NRXN1: variants seen among roughly 807,000 people sequenced by gnomAD.
The protein encoded by NRXN1 is neurexin-1.
A neutral mutation model predicts 150.9 loss-of-function variants in NRXN1; 39 were observed. The observed-to-expected ratio is 0.26, with a 90% CI of 0.20 to 0.34. The LOEUF is 0.34. NRXN1 is among the 10% of genes least tolerant of loss of function. NRXN1 has a pLI of 1.00. For missense variants in NRXN1, 1,815 were observed against 1,949.9 expected (o/e 0.93, Z 1.30); for synonymous variants, 924 against 757.0 (o/e 1.22, Z -3.62).
chr2:50,947,354 A>G (rs1335633977), intron 2 of NRXN1, among the ~76,000 whole-genome samples: 1 of 152,004 alleles, frequency 6.6e-6, no homozygotes, highest in Non-Finnish European at 1.5e-5. Context: ...GTTCAAATAT[A>G]CAAATACTAT....
intron 11 of NRXN1, 50 bp from the exon 12 acceptor site, chr2:50,528,701 T>G: frequency 1.7e-6 from 2 of 1,195,252 alleles, no homozygotes; most frequent in Non-Finnish European, 2.4e-6. Context: ...TTCAAGGTAA[T>G]AGCTGCAGAC....
intron 2 of NRXN1, among the ~76,000 whole-genome samples, chr2:50,957,901 A>G (rs1315899628): frequency 6.6e-6 from 1 of 152,158 alleles, no homozygotes; most frequent in African/African-American, 2.4e-5. Flanking sequence ...TCCACTGAGA[A>G]CAGTGGAGAA....
chr2:50,067,896 C>T (rs1356689040), intron 19 of NRXN1, among the ~76,000 whole-genome samples: 2 of 152,092 alleles, frequency 1.3e-5, no homozygotes, highest in African/African-American at 4.8e-5. Flanking sequence ...TTTCCCAGTT[C>T]TTGTTTTTTG....
At chr2:50,684,444 G>A (rs1690926884) in intron 5 of NRXN1, among the ~76,000 whole-genome samples, 1 of 152,002 alleles carries the variant, frequency 6.6e-6, no homozygotes, top group African/African-American at 2.4e-5. Context: ...CAAAACTGCA[G>A]TAAGCTGTGA....
At chr2:50,451,230 A>C (rs1171438713) in intron 17 of NRXN1, among the ~76,000 whole-genome samples, 1 of 152,150 alleles carries the variant, frequency 6.6e-6, no homozygotes, top group East Asian at 1.9e-4. Context: ...TGGCCTCCTA[A>C]AGTGCTGGTA....
intron 2 of NRXN1, among the ~76,000 whole-genome samples, chr2:51,002,166 G>T (rs1700155548): frequency 6.6e-6 from 1 of 151,942 alleles, no homozygotes; most frequent in South Asian, 2.1e-4. Flanking sequence ...AAACGTATAT[G>T]AAATACCTTG....
chr2:49,961,881 C>A (rs904373370), intron 21 of NRXN1, among the ~76,000 whole-genome samples: 4 of 152,126 alleles, frequency 2.6e-5, no homozygotes, highest in Admixed American at 2.6e-4. Flanking sequence ...CACAACCTCA[C>A]CCTAATCATT....
chr2:50,060,818 A>C (rs995726464), intron 19 of NRXN1, among the ~76,000 whole-genome samples: 2 of 152,190 alleles, frequency 1.3e-5, no homozygotes, highest in African/African-American at 4.8e-5. Context: ...TCTGACATGA[A>C]TGTGAGGCCT....
intron 8 of NRXN1, among the ~76,000 whole-genome samples, chr2:50,587,161 C>T (rs1001607365): frequency 1.3e-5 from 2 of 152,292 alleles, no homozygotes; most frequent in African/African-American, 2.4e-5. Context: ...CAGTGAGCCT[C>T]GATTTCCTCA....
At chr2:50,519,098 G>T (rs1054477814) in intron 12 of NRXN1, among the ~76,000 whole-genome samples, 1 of 151,762 alleles carries the variant, frequency 6.6e-6, no homozygotes, top group Non-Finnish European at 1.5e-5. Context: ...CTCGTGTCTT[G>T]CTTTCTTTTT....
chr2:50,596,530 G>C (rs1482239462), intron 8 of NRXN1, among the ~76,000 whole-genome samples: 6 of 152,210 alleles, frequency 3.9e-5, no homozygotes, highest in African/African-American at 1.4e-4. Context: ...GTTTGGAATA[G>C]AAATGTCTAA....
intron 18 of NRXN1, among the ~76,000 whole-genome samples, chr2:50,143,316 G>A (rs944842762): frequency 7.9e-5 from 12 of 151,874 alleles, no homozygotes; most frequent in Admixed American, 5.9e-4. Context: ...GGTACAGCTC[G>A]AAAACTAATG....
chr2:50,417,408 G>GC (rs2083623464), intron 17 of NRXN1, among the ~76,000 whole-genome samples: 1 of 152,056 alleles, frequency 6.6e-6, no homozygotes, highest in Non-Finnish European at 1.5e-5. Context: ...TTTTCCTAAA[G>GC]CTTCTGCTTC....
chr2:50,767,162 A>G (rs1702475729), intron 5 of NRXN1, among the ~76,000 whole-genome samples: 1 of 152,054 alleles, frequency 6.6e-6, no homozygotes, highest in Non-Finnish European at 1.5e-5. Flanking sequence ...TACCATACCC[A>G]TGGGGAAAAT....
At chr2:50,512,349 A>C (rs897731578) in intron 12 of NRXN1, among the ~76,000 whole-genome samples, 1 of 152,174 alleles carries the variant, frequency 6.6e-6, no homozygotes, top group African/African-American at 2.4e-5. Context: ...CGTGCTAGAA[A>C]ATGTGTTTAT....
intron 17 of NRXN1, among the ~76,000 whole-genome samples, chr2:50,361,212 G>A (rs1259040181): frequency 6.6e-6 from 1 of 152,016 alleles, no homozygotes; most frequent in East Asian, 1.9e-4. Context: ...AACTAAAGAA[G>A]CAAGGTCAAA....
intron 21 of NRXN1, among the ~76,000 whole-genome samples, chr2:50,011,470 G>T (rs1372865877): frequency 6.6e-6 from 1 of 152,082 alleles, no homozygotes. Context: ...CAGATAAGCT[G>T]AGGACAAACA....
At chr2:50,570,414 G>A (rs1028545612) in intron 8 of NRXN1, among the ~76,000 whole-genome samples, 3 of 152,248 alleles carry the variant, frequency 2.0e-5, no homozygotes, top group Non-Finnish European at 4.4e-5. Flanking sequence ...ATCTCATTTA[G>A]AATTAATTTC....
intron 18 of NRXN1, among the ~76,000 whole-genome samples, chr2:50,221,439 C>T (rs588263): frequency 0.44 from 67,336 of 151,736 alleles, 15,291 homozygotes; most frequent in African/African-American, 0.51. Context: ...TTAAACTCTA[C>T]AGCTACACAT....
Sources: gnomAD v4.1 joint callset for allele counts (sites outside exome capture counted in the v4.1 genomes callset) on GRCh38, gnomAD v4.1.1 for gene constraint, MANE v1.5 for transcripts, NCBI Gene and HGNC (gene_info 2026-07-23, HGNC 2026-07-21) for gene names.